The following RPH3A variants were observed in gnomAD, a reference collection of about 807,000 sequenced individuals.
The protein encoded by RPH3A is rabphilin-3A.
RPH3A carries 48 observed loss-of-function variants against 102.2 expected under a neutral mutation model. The ratio of observed to expected loss-of-function variants is 0.47; its 90% CI spans 0.37 to 0.60. The LOEUF is 0.60. RPH3A is among the 20% of genes least tolerant of loss of function. The pLI, the probability that RPH3A is intolerant of heterozygous loss-of-function variation, is 0.00. For missense variants in RPH3A, 781 were observed against 910.1 expected, an observed-to-expected ratio of 0.86 and a Z score of 1.83; for synonymous variants, 310 against 324.3, an observed-to-expected ratio of 0.96 and a Z score of 0.47.
chr12:112,709,769 G>T (rs2040447703), intron 1 of RPH3A, among the ~76,000 whole-genome samples: 1 of 152,048 alleles, frequency 6.6e-6, no homozygotes. Context: ...GGTAGTAGAG[G>T]ATCTTCCCGG....
intron 1 of RPH3A, among the ~76,000 whole-genome samples, chr12:112,727,290 C>A (rs1410552393): frequency 6.6e-6 from 1 of 150,948 alleles, no homozygotes; most frequent in Admixed American, 6.6e-5. Flanking sequence ...ACCTGGGAGG[C>A]TGAGGCAGGA....
chr12:112,768,433 C>T (rs924158110), intron 1 of RPH3A, among the ~76,000 whole-genome samples: 3 of 152,226 alleles, frequency 2.0e-5, no homozygotes, highest in African/African-American at 7.2e-5. Flanking sequence ...TCTGCTCCAG[C>T]CATGTTGGCC....
At chr12:112,799,739 T>C (rs372681726) in intron 2 of RPH3A, among the ~76,000 whole-genome samples, 4 of 152,200 alleles carry the variant, frequency 2.6e-5, no homozygotes, top group Non-Finnish European at 5.9e-5. Flanking sequence ...TATTCGCTCA[T>C]TGGTCACCCG....
At chr12:112,678,281 GAAAGAAAGAAAGAAAGAA>G (rs1194953657) in intron 1 of RPH3A, among the ~76,000 whole-genome samples, 985 of 75,482 alleles carry the variant, frequency 0.013, 112 homozygotes, top group African/African-American at 0.066. Flanking sequence ...AAGAAAGAAA[GAAAGAAAGAAAGAAAGAA>G]AGAAAGAGAG....
rs57178452 is a variant in RPH3A, at chr12:112,846,617, C to T, written c.84-1079C>T. 2.9e-3 allele frequency among the ~76,000 whole-genome samples: 437 copies of T among 152,342 alleles called. 3 individuals are homozygous for T. The highest frequency in any genetic ancestry group is 0.01 in the African/African-American group (419 of 41,574). On this transcript the variant is annotated intron_variant, in intron 4 of 21. Coordinates refer to ENST00000389385, the MANE Select transcript of RPH3A (RefSeq NM_001143854.2). Reference sequence around the variant, plus strand: ...GCTGTGATTAGGCCAGCAGAAGGGACCAAGCCTGGCGGCTAATGGGGGGCA... The same window carrying T: ...GCTGTGATTAGGCCAGCAGAAGGGATCAAGCCTGGCGGCTAATGGGGGGCA...
rs1428743215 is a variant in RPH3A at position 112,890,864 on chromosome 12, G to C, written c.1636G>C (p.Gly546Arg). The stretch of plus-strand genomic sequence containing the variant: ...CCCAATGCAGCAGGTGGAGCGTGTT[G>C]GTGACATCGAGGAGCGTGGCAAGAT... Reference protein sequence around the residue: ...LYEEEQVERVGDIEERGKILV... With the variant: ...LYEEEQVERVRDIEERGKILV... Residue 546 changes from glycine to arginine, a missense_variant, in exon 19 of 22, where the codon GGT becomes CGT. By Grantham distance (125) the Gly-to-Arg change is moderately radical (BLOSUM62 -2). Coordinates refer to ENST00000389385, the MANE Select transcript of RPH3A (RefSeq NM_001143854.2). 6.2e-7 allele frequency: 1 copy of C among 1,613,834 alleles called. No homozygotes were observed.
At chr12:112,652,373 A>G (rs1274888772) in intron 1 of RPH3A, among the ~76,000 whole-genome samples, 4 of 152,152 alleles carry the variant, frequency 2.6e-5, no homozygotes, top group African/African-American at 9.7e-5. Context: ...GCTGTTTGGG[A>G]GGCTGAGGTG....
intron 16 of RPH3A, among the ~76,000 whole-genome samples, chr12:112,884,653 G>A (rs974851005): frequency 5.9e-5 from 9 of 152,270 alleles, no homozygotes; most frequent in Admixed American, 5.2e-4. Context: ...TGGATCATGG[G>A]ATATGTGATG....
upstream of RPH3A, among the ~76,000 whole-genome samples, chr12:112,787,721 C>T (rs1415989197): frequency 1.3e-5 from 2 of 152,180 alleles, no homozygotes; most frequent in Non-Finnish European, 2.9e-5. Flanking sequence ...TTTCATAGAA[C>T]AGAAATGAAA....
chr12:112,809,281 G>A (rs2041526696), intron 2 of RPH3A, among the ~76,000 whole-genome samples: 2 of 152,150 alleles, frequency 1.3e-5, no homozygotes, highest in South Asian at 2.1e-4. Context: ...GGGTATGCCA[G>A]TATCTTTTGA....
At chr12:112,762,832 TC>T (rs1204533618) in intron 1 of RPH3A, among the ~76,000 whole-genome samples, 3 of 151,980 alleles carry the variant, frequency 2.0e-5, no homozygotes, top group Non-Finnish European at 4.4e-5. Context: ...CCAGAGAGAG[TC>T]TGAGATGTCC....
chr12:112,709,859 G>A (rs2040448380), intron 1 of RPH3A, among the ~76,000 whole-genome samples: 1 of 152,158 alleles, frequency 6.6e-6, no homozygotes, highest in Admixed American at 6.5e-5. Context: ...CCACTTTACA[G>A]AGGAGGAAAG....
chr12:112,691,319 T>C (rs2040305785), intron 1 of RPH3A, among the ~76,000 whole-genome samples: 1 of 151,828 alleles, frequency 6.6e-6, no homozygotes, highest in East Asian at 1.9e-4. Context: ...GCCTTGACCA[T>C]CTTTCAGTGT....
intron 1 of RPH3A, among the ~76,000 whole-genome samples, chr12:112,715,746 A>G (rs970308343): frequency 6.6e-6 from 1 of 152,180 alleles, no homozygotes; most frequent in Admixed American, 6.5e-5. Flanking sequence ...CCGGACCCCA[A>G]GAGAGGGTTC....
chr12:112,894,410 A>G, intron 19 of RPH3A, 168 bp from the exon 20 acceptor site: 1 of 653,040 alleles, frequency 1.5e-6, no homozygotes, highest in Non-Finnish European at 2.7e-6. Context: ...TGCTCAGTCA[A>G]GTGCCTGGTA....
intron 5 of RPH3A, among the ~76,000 whole-genome samples, chr12:112,859,870 C>T (rs1289915180): frequency 2.0e-5 from 3 of 152,224 alleles, no homozygotes; most frequent in Non-Finnish European, 4.4e-5. Context: ...ATTCCCCCCA[C>T]ACAGTGGCTC....
intron 1 of RPH3A, among the ~76,000 whole-genome samples, chr12:112,744,700 G>A (rs1273483033): frequency 6.6e-6 from 1 of 152,128 alleles, no homozygotes; most frequent in Non-Finnish European, 1.5e-5. Flanking sequence ...GGGAACTGAG[G>A]CTCAGAGAGT....
chr12:112,601,094 T>C (rs986693698), intron 1 of RPH3A, among the ~76,000 whole-genome samples: 2 of 152,166 alleles, frequency 1.3e-5, no homozygotes, highest in African/African-American at 4.8e-5. Flanking sequence ...CCTTGACACG[T>C]GGGGATTACC....
intron 1 of RPH3A, among the ~76,000 whole-genome samples, chr12:112,780,028 G>A (rs1259643180): frequency 6.6e-6 from 1 of 152,148 alleles, no homozygotes; most frequent in Non-Finnish European, 1.5e-5. Flanking sequence ...GAACAGATTC[G>A]TCCCCAGAGT....
Sources: allele counts gnomAD v4.1 joint callset (sites outside exome capture counted in the v4.1 genomes callset), GRCh38; gene constraint gnomAD v4.1.1; transcripts MANE v1.5; gene names NCBI Gene and HGNC (gene_info 2026-07-23, HGNC 2026-07-21).